Variants in SCN9A observed in about 807,000 individuals in gnomAD.
SCN9A encodes the protein sodium voltage-gated channel alpha subunit 9.
A neutral mutation model predicts 187.0 loss-of-function variants in SCN9A; 131 were observed. The observed-to-expected ratio is 0.70, with a 90% CI of 0.61 to 0.81. SCN9A has a LOEUF of 0.81. Among genes scored for constraint, SCN9A ranks in the 30% least tolerant of loss-of-function variants. The probability of loss-of-function intolerance (pLI) is 0.00; values close to 1 mark genes in which losing one functional copy is unlikely to be tolerated. For missense variants in SCN9A, 2,252 were observed against 2,396.6 expected, an observed-to-expected ratio of 0.94 and a Z score of 1.26; for synonymous variants, 809 against 808.6, an observed-to-expected ratio of 1.00 and a Z score of -0.01.
rs141338230 is a variant in SCN9A, at chr2:166,321,033, T to C, written c.-50-9227A>G. ...TAAAATACTAACGTGAACCCTCCAT[T>C]TGATTTTGTTAAATCAAAAATATCA... On this transcript the variant is annotated intron_variant, in intron 1 of 26. Transcript: ENST00000642356. Among the ~76,000 whole-genome samples, 3 of 152,318 alleles carry C rather than the reference T, an allele frequency of 2.0e-5. No individual in the cohort carries two copies. In the East Asian group the frequency reaches 5.8e-4, roughly 29 times the overall value.
At chr2:166,292,714 A>G (rs931723467) in intron 9 of SCN9A, among the ~76,000 whole-genome samples, 15 of 152,180 alleles carry the variant, frequency 9.9e-5, no homozygotes, top group African/African-American at 3.1e-4. Context: ...CTTGCAATAC[A>G]AGAGATCAAT....
At chr2:166,337,119 A>T (rs1315001475) in intron 1 of SCN9A, among the ~76,000 whole-genome samples, 1 of 152,120 alleles carries the variant, frequency 6.6e-6, no homozygotes, top group Admixed American at 6.6e-5. Flanking sequence ...GTATGGAAAC[A>T]TATTGAGGTA....
rs1425708351 is a variant in SCN9A, at chr2:166,254,492, T to C, written c.3352-2607A>G. 2.0e-5 allele frequency among the ~76,000 whole-genome samples: 3 copies of C among 151,548 alleles called. No homozygotes were observed. In the East Asian group the frequency reaches 5.8e-4, roughly 29 times the overall value. On this transcript the variant is annotated intron_variant, in intron 17 of 26. Coordinates refer to ENST00000642356, the MANE Select transcript of SCN9A (RefSeq NM_001365536.1). ...AAGGCTGATATATATAATAAAGTTT[T>C]TTTTTCCTGCGGTGAAATATATTGA...
intron 24 of SCN9A, among the ~76,000 whole-genome samples, chr2:166,217,971 G>A (rs1282775261): frequency 6.6e-6 from 1 of 151,884 alleles, no homozygotes; most frequent in Non-Finnish European, 1.5e-5. Context: ...GACATATTAG[G>A]TTGGTGCAAA....
intron 17 of SCN9A, among the ~76,000 whole-genome samples, chr2:166,264,228 G>T (rs1696637564): frequency 6.6e-6 from 1 of 151,924 alleles, no homozygotes; most frequent in Non-Finnish European, 1.5e-5. Context: ...ACAAATGGGT[G>T]CATTTCATAC....
intron 7 of SCN9A, among the ~76,000 whole-genome samples, chr2:166,296,792 G>A (rs1698318806): frequency 6.6e-6 from 1 of 152,040 alleles, no homozygotes; most frequent in South Asian, 2.1e-4. Flanking sequence ...TAAGATGGTT[G>A]GCTTCAAGAA....
chr2:166,306,547 T>C lies in SCN9A; in HGVS notation c.430A>G (p.Thr144Ala). ...GTCCAGTCCGGTGGGTTATTCATGG[T>C]CATAAATATGCAGTTTGTCAGAATA... ...CTILTNCIFM[T>A]MNNPPDWTKN... The change falls in exon 4 of 27, where the codon ACC becomes GCC. Residue 144 changes from threonine to alanine, a missense_variant. Thr to Ala is a moderately conservative substitution (Grantham distance 58). Coordinates refer to ENST00000642356, the MANE Select transcript of SCN9A (RefSeq NM_001365536.1). The C allele has an allele frequency of 6.3e-7, 1 of 1,581,696 alleles. No homozygotes were observed. The highest frequency in any genetic ancestry group is 8.6e-7 in the Non-Finnish European group (1 of 1,160,954).
At chr2:166,307,824 T>C (rs1375041944) in intron 2 of SCN9A, among the ~76,000 whole-genome samples, 1 of 152,222 alleles carries the variant, frequency 6.6e-6, no homozygotes, top group Non-Finnish European at 1.5e-5. Context: ...CAACAAAATA[T>C]TAAAGCAACC....
Position 166,211,535 on chromosome 2 carries a change from A to C in SCN9A, c.4399-7071T>G, listed in dbSNP as rs534024840. On this transcript the variant is annotated intron_variant, in intron 24 of 26. Coordinates refer to ENST00000642356, the MANE Select transcript of SCN9A (RefSeq NM_001365536.1). ...TAATAGTATTATATAAATCATTTAT[A>C]ATTCTAATATAAAAGTTAAATGTCA... Among the ~76,000 whole-genome samples, 80 of 151,932 alleles carry C rather than the reference A, an allele frequency of 5.3e-4. No homozygotes were observed. The East Asian group carries it at 0.012, about 22-fold the overall frequency.
chr2:166,261,261 G>A (rs4569493), intron 17 of SCN9A, among the ~76,000 whole-genome samples: 120,586 of 151,744 alleles, frequency 0.79, 48,505 homozygotes, highest in Non-Finnish European at 0.85. Flanking sequence ...TTTTATTCAG[G>A]GTAGCAATAT....
chr2:166,237,360 T>C (rs1463434532), intron 20 of SCN9A, among the ~76,000 whole-genome samples: 1 of 152,002 alleles, frequency 6.6e-6, no homozygotes, highest in Non-Finnish European at 1.5e-5. Context: ...AAATAATATG[T>C]AAACTAAAGA....
chr2:166,285,791 G>A (rs894443779), intron 11 of SCN9A, among the ~76,000 whole-genome samples: 1 of 152,038 alleles, frequency 6.6e-6, no homozygotes, highest in African/African-American at 2.4e-5. Context: ...AGAGATGAAG[G>A]TTTCAGTGAA....
intron 24 of SCN9A, among the ~76,000 whole-genome samples, chr2:166,214,401 C>T (rs1488649929): frequency 6.6e-6 from 1 of 151,948 alleles, no homozygotes; most frequent in African/African-American, 2.4e-5. Context: ...ATCTACATAG[C>T]AAATGAAGAA....
intron 1 of SCN9A, among the ~76,000 whole-genome samples, chr2:166,333,610 C>G (rs561951163): frequency 6.6e-6 from 1 of 152,190 alleles, no homozygotes; most frequent in East Asian, 1.9e-4. Context: ...TGCTAAAGAA[C>G]ACAATACCAT....
At chr2:166,361,660 G>A (rs955341115) in intron 1 of SCN9A, among the ~76,000 whole-genome samples, 3 of 151,960 alleles carry the variant, frequency 2.0e-5, no homozygotes, top group South Asian at 2.1e-4. Context: ...TAAAATGATC[G>A]AAAGTAAGAA....
At chr2:166,370,406 C>A (rs958820987) in intron 1 of SCN9A, among the ~76,000 whole-genome samples, 1 of 151,050 alleles carries the variant, frequency 6.6e-6, no homozygotes, top group African/African-American at 2.4e-5. Context: ...TAGCCGGGCA[C>A]GGTGGTAGGC....
intron 17 of SCN9A, among the ~76,000 whole-genome samples, chr2:166,256,601 A>G (rs956052510): frequency 2.0e-5 from 3 of 151,540 alleles, no homozygotes; most frequent in Non-Finnish European, 4.4e-5. Context: ...ATGGGCAACT[A>G]AAACTTTAGC....
rs936816074 is a variant in SCN9A, at chr2:166,282,804, C to T, written c.1975-996G>A. ...ATCTATGTGTATGTGAACAGACACA[C>T]CCATTTGAGAGATCTCTGTAAAAAG... On this transcript the variant is annotated intron_variant, in intron 12 of 26. Coordinates refer to ENST00000642356, the MANE Select transcript of SCN9A (RefSeq NM_001365536.1). 1.2e-4 allele frequency among the ~76,000 whole-genome samples: 19 copies of T among 152,082 alleles called. 1 individual carries two copies. The highest frequency in any genetic ancestry group is 4.6e-4 in the African/African-American group (19 of 41,410).
intron 1 of SCN9A, among the ~76,000 whole-genome samples, chr2:166,375,458 C>T (rs1204770994): frequency 2.0e-5 from 3 of 152,204 alleles, no homozygotes; most frequent in Non-Finnish European, 4.4e-5. Context: ...AGAGTCAAAA[C>T]CGCACAGGAG....
Sources: gnomAD v4.1 joint callset for allele counts (sites outside exome capture counted in the v4.1 genomes callset) on GRCh38, gnomAD v4.1.1 for gene constraint, MANE v1.5 for transcripts, NCBI Gene and HGNC (gene_info 2026-07-23, HGNC 2026-07-21) for gene names.